Variants in BEAN1 observed in about 807,000 individuals in gnomAD.
BEAN1 encodes protein BEAN1.
A neutral mutation model predicts 17.7 loss-of-function variants in BEAN1; 17 were observed. That is an observed-to-expected ratio of 0.96 (90% CI 0.66 to 1.44). The LOEUF is 1.44. BEAN1 is among the 40% of genes most tolerant of loss of function. The pLI, the probability that BEAN1 is intolerant of heterozygous loss-of-function variation, is 0.00. For synonymous variants in BEAN1, 142 were observed against 151.8 expected, an observed-to-expected ratio of 0.94 and a Z score of 0.47; for missense variants, 359 against 374.1, an observed-to-expected ratio of 0.96 and a Z score of 0.33.
At position 66,427,367 on chromosome 16, in the gene BEAN1, G is replaced by T. The variant is rs1193431592; in HGVS notation, c.-147G>T. ...GGGAGCCGGAGCCGGGGCGGGAACC[G>T]GAGCTGGAGCCGAAGCTGGAGCCGG... On this transcript the variant is annotated 5_prime_UTR_variant, in exon 1 of 5. Transcript: ENST00000536005. This position sits in a 1 kb window ranked among gnomAD's most constrained non-coding sequence, Gnocchi z 4.7. 1 of 151,732 alleles carries T rather than the reference G, an allele frequency of 6.6e-6. No homozygotes were observed. The highest frequency in any genetic ancestry group is 2.4e-5 in the African/African-American group (1 of 41,356). The allele number at this position is 151,732 out of a possible 1,614,324, so 9.4% of individuals were successfully genotyped here.
In BEAN1 at chr16:66,481,051, T is replaced by TCATG; in HGVS notation, c.*126_*127insCATG. 2 of 691,046 alleles carry TCATG rather than the reference T, an allele frequency of 2.9e-6. No homozygotes were observed. The highest frequency in any genetic ancestry group is 4.3e-6 in the Non-Finnish European group (2 of 460,722). The allele number at this position is 691,046 out of a possible 1,614,324, so 42.8% of individuals were successfully genotyped here. On this transcript the variant is annotated 3_prime_UTR_variant, in exon 5 of 5. Transcript: ENST00000536005. The surrounding 1 kb of genome is among the most constrained non-coding windows in gnomAD (Gnocchi z 4.1). ...ATAACACACACATAGACCAAACTTG[T>TCATG]ATACACACAGACATCTACACTGACA...
chr16:66,436,663 C>T (rs1240129255), intron 1 of BEAN1, among the ~76,000 whole-genome samples: 1 of 151,602 alleles, frequency 6.6e-6, no homozygotes, highest in Non-Finnish European at 1.5e-5. Flanking sequence ...GCAGCCTTGA[C>T]CTCCTGGACT....
At chr16:66,449,288 A>G (rs190638470) in intron 2 of BEAN1, among the ~76,000 whole-genome samples, 3 of 152,302 alleles carry the variant, frequency 2.0e-5, no homozygotes, top group Admixed American at 2.0e-4. Context: ...AAAACAATTC[A>G]GATTTTAAGT....
chr16:66,469,477 G>A lies in BEAN1; in HGVS notation c.26-125G>A, dbSNP rs73596603. ...CAGGAGCAGCCAGGATAGAGTCCGT[G>A]GGCCTGAGCCCAGACCCTCCTCCAT... On this transcript the variant is annotated intron_variant, in intron 2 of 4. Coordinates refer to ENST00000536005, the MANE Select transcript of BEAN1 (RefSeq NM_001178020.3). 5,889 of 1,201,398 alleles carry A rather than the reference G, an allele frequency of 4.9e-3. 225 individuals carry two copies. In the African/African-American group the frequency reaches 0.083, roughly 17 times the overall value. The allele number at this position is 1,201,398 out of a possible 1,614,324, so 74.4% of individuals were successfully genotyped here. A position where few individuals can be genotyped will look rare whatever the true frequency, so the allele number is the denominator to read the frequency against.
intron 2 of BEAN1, among the ~76,000 whole-genome samples, chr16:66,442,975 T>C (rs1034583506): frequency 2.6e-5 from 4 of 152,156 alleles, no homozygotes; most frequent in Non-Finnish European, 5.9e-5. Context: ...TAGCTACCAA[T>C]AGAAGAAAGG....
At position 66,427,754 on chromosome 16, in the gene BEAN1, G is replaced by T. The variant is rs1961636292; in HGVS notation, c.-83+323G>T. 6.6e-6 allele frequency: 1 copy of T among 152,196 alleles called. No homozygotes were observed. Among genetic ancestry groups the T allele is most frequent in the Non-Finnish European group, 1.5e-5 (1 of 68,024 alleles). The allele number at this position is 152,196 out of a possible 1,614,324, so 9.4% of individuals were successfully genotyped here. A position where few individuals can be genotyped will look rare whatever the true frequency, so the allele number is the denominator to read the frequency against. On this transcript the variant is annotated intron_variant, in intron 1 of 4. Transcript: ENST00000536005. The surrounding 1 kb of genome is among the most constrained non-coding windows in gnomAD (Gnocchi z 4.7). ...TTTCTGCCTGACTCGAGTCCCCGAC[G>T]AGCATCAACCGCATTTGGGGAACCC...
At chr16:66,446,967 A>G (rs538943256) in intron 2 of BEAN1, among the ~76,000 whole-genome samples, 1 of 152,268 alleles carries the variant, frequency 6.6e-6, no homozygotes, top group East Asian at 1.9e-4. Flanking sequence ...TGCATGCTTC[A>G]AAGACAAGAG....
At chr16:66,462,665 G>C (rs1419195464) in intron 2 of BEAN1, among the ~76,000 whole-genome samples, 1 of 152,180 alleles carries the variant, frequency 6.6e-6, no homozygotes, top group Non-Finnish European at 1.5e-5. Context: ...GCTGGGCATG[G>C]TGGTACATGC....
chr16:66,467,452 A>G (rs1476748643), intron 2 of BEAN1, among the ~76,000 whole-genome samples: 1 of 152,200 alleles, frequency 6.6e-6, no homozygotes, highest in Non-Finnish European at 1.5e-5. Flanking sequence ...CCAGACACTT[A>G]CAAAACCATC....
At chr16:66,456,068 T>C (rs1962855046) in intron 2 of BEAN1, among the ~76,000 whole-genome samples, 1 of 152,214 alleles carries the variant, frequency 6.6e-6, no homozygotes, top group Admixed American at 6.5e-5. Flanking sequence ...AAGCTCATTC[T>C]TGGGAAGGAG....
intron 1 of BEAN1, among the ~76,000 whole-genome samples, chr16:66,436,266 C>CTTTTTTTTTTTTTT (rs560577711): frequency 4.1e-5 from 5 of 120,636 alleles, no homozygotes; most frequent in Non-Finnish European, 8.6e-5. Context: ...TTTTTCTTTT[C>CTTTTTTTTTTTTTT]TTTTTTTTTT....
intron 2 of BEAN1, among the ~76,000 whole-genome samples, chr16:66,448,090 A>T (rs1273687326): frequency 1.3e-5 from 2 of 152,216 alleles, no homozygotes. Context: ...CAGACCAGCA[A>T]AACTTTCCCC....
chr16:66,430,977 C>A (rs6499083), intron 1 of BEAN1, among the ~76,000 whole-genome samples: 9,402 of 152,194 alleles, frequency 0.062, 950 homozygotes, highest in African/African-American at 0.21. Context: ...ATAGCAGAAA[C>A]CATTCCCTCA....
chr16:66,485,924 A>T (rs1046912668), downstream of BEAN1: 1 of 152,340 alleles, frequency 6.6e-6, no homozygotes, highest in Non-Finnish European at 1.5e-5. Context: ...TTGAATCTTC[A>T]TGAGCAAGGA....
intron 3 of BEAN1, among the ~76,000 whole-genome samples, chr16:66,476,892 G>A (rs915027054): frequency 3.9e-5 from 6 of 152,168 alleles, no homozygotes; most frequent in African/African-American, 1.4e-4. Flanking sequence ...AAATGCAGAG[G>A]AGAATGCAGT....
chr16:66,439,460 GA>G (rs1324779742), intron 2 of BEAN1, among the ~76,000 whole-genome samples: 32 of 152,198 alleles, frequency 2.1e-4, no homozygotes, highest in Admixed American at 1.9e-3. Flanking sequence ...AGAAGCCTGG[GA>G]AAAGTCAAGG....
intron 4 of BEAN1, among the ~76,000 whole-genome samples, chr16:66,488,938 G>A (rs767980060): frequency 1.3e-5 from 2 of 152,062 alleles, no homozygotes; most frequent in South Asian, 4.1e-4. Context: ...TTGAGAGGCC[G>A]AGGCAGGTGG....
intron 1 of BEAN1, among the ~76,000 whole-genome samples, chr16:66,435,233 G>C (rs1193107677): frequency 6.6e-6 from 1 of 152,132 alleles, no homozygotes; most frequent in African/African-American, 2.4e-5. Flanking sequence ...GAGAGGCACT[G>C]GGGGTGAGAG....
rs998923418 is a variant in BEAN1 at position 66,471,432 on chromosome 16, C to A, written c.289+1567C>A. On this transcript the variant is annotated intron_variant, in intron 3 of 4. Transcript: ENST00000536005. The surrounding 1 kb of genome is among the most constrained non-coding windows in gnomAD (Gnocchi z 4.7). ...CAGGCTGCCCCGCTGCACAGCACTGCCCAGGAAGGGAGCTGGAGGTGTCGG... is the reference window on the plus strand; with the variant it reads ...CAGGCTGCCCCGCTGCACAGCACTGACCAGGAAGGGAGCTGGAGGTGTCGG... 2.4e-4 allele frequency among the ~76,000 whole-genome samples: 36 copies of A among 152,358 alleles called. No homozygotes were observed. Among genetic ancestry groups the A allele is most frequent in the Admixed American group, 8.5e-4 (13 of 15,312 alleles).
Sources: allele counts gnomAD v4.1 joint callset (sites outside exome capture counted in the v4.1 genomes callset), GRCh38; gene constraint gnomAD v4.1.1; non-coding constraint Gnocchi (gnomAD v3.1); transcripts MANE v1.5; gene names NCBI Gene and HGNC (gene_info 2026-07-23, HGNC 2026-07-21).